MED21: variants seen among roughly 807,000 people sequenced by gnomAD.
MED21 encodes mediator complex subunit 21, also known as mediator of RNA polymerase II transcription subunit 21.
Under a neutral mutation model 18.2 loss-of-function variants are expected in MED21, and 9 were observed. The observed-to-expected ratio is 0.49, with a 90% CI of 0.30 to 0.86. The LOEUF (loss-of-function observed/expected upper bound fraction) is 0.86. MED21 is among the 40% of genes least tolerant of loss of function. The pLI is 0.07. For synonymous variants in MED21, 73 were observed against 60.5 expected, an observed-to-expected ratio of 1.21 and a Z score of -0.96; for missense variants, 150 against 170.9, an observed-to-expected ratio of 0.88 and a Z score of 0.68.
In MED21 at chr12:27,028,659, GCAT is replaced by G. The variant is rs149854106; in HGVS notation, c.*202_*204del. The G allele has an allele frequency of 1.1e-3, 1,354 of 1,247,274 alleles. 14 individuals are homozygous for G. In the African/African-American group the frequency reaches 0.018, roughly 16 times the overall value. 77.3% of individuals were successfully genotyped at this position (1,247,274 alleles called of 1,614,324 possible). ...AAATCATGATTGAATCAGCTTTAAA[GCAT>G]CATACCATCATTTTTTAACTGAGTG... On this transcript the variant is annotated 3_prime_UTR_variant, in exon 4 of 4. Coordinates refer to ENST00000282892, the MANE Select transcript of MED21 (RefSeq NM_004264.5).
Position 27,028,631 on chromosome 12 carries a change from A to C in MED21, c.*170A>C, listed in dbSNP as rs1729201832. 1.2e-5 allele frequency: 15 copies of C among 1,285,434 alleles called. No individual in the cohort carries two copies. The highest frequency in any genetic ancestry group is 7.0e-5 in the Admixed American group (2 of 28,478). The allele number at this position is 1,285,434 out of a possible 1,614,324, so 79.6% of individuals were successfully genotyped here. The stretch of plus-strand genomic sequence containing the variant: ...TTCTATTTTCACTCTTGATAAGCTT[A>C]TAAAATCATGATTGAATCAGCTTTA... On this transcript the variant is annotated 3_prime_UTR_variant, in exon 4 of 4. Transcript: ENST00000282892.
In MED21 at chr12:27,029,323, C is replaced by T. The variant is rs932110098; in HGVS notation, c.*862C>T. 8.1e-6 allele frequency: 8 copies of T among 985,276 alleles called. No individual in the cohort carries two copies. In the Admixed American group the frequency reaches 4.3e-4, roughly 53 times the overall value. The allele number at this position is 985,276 out of a possible 1,614,324, so 61.0% of individuals were successfully genotyped here. A position where few individuals can be genotyped will look rare whatever the true frequency, so the allele number is the denominator to read the frequency against. ...ACATCAGTTACTTGGCATCATTTCA[C>T]CTCAGTTTATTATTGCCAAATAATA... On this transcript the variant is annotated 3_prime_UTR_variant, in exon 4 of 4. Transcript: ENST00000282892.
At chr12:27,037,624 A>G (rs981892722) in intron 2 of MED21, 1 of 152,212 alleles carries the variant, frequency 6.6e-6, no homozygotes, top group African/African-American at 2.4e-5. Flanking sequence ...CAATAAATGT[A>G]TGTTTAATCT....
chr12:27,027,584 A>G, intron 3 of MED21, 137 bp downstream of exon 3: 1 of 614,500 alleles, frequency 1.6e-6, no homozygotes, highest in South Asian at 2.0e-5. Flanking sequence ...TAAAGAACAG[A>G]AATTTATTTT....
Position 27,022,589 on chromosome 12 carries a change from C to A in MED21, c.10C>A (p.Arg4=), listed in dbSNP as rs1216682786. 12 of 1,566,588 alleles carry A rather than the reference C, an allele frequency of 7.7e-6. No individual in the cohort carries two copies. The highest frequency in any genetic ancestry group is 8.7e-6 in the Non-Finnish European group (10 of 1,150,784). MAD[R]LTQLQDAVNS... ...TTGCTGCGGTAGGAACATGGCGGATCGGCTCACGCAGCTTCAGGACGCTGT... is the reference window on the plus strand; with the variant it reads ...TTGCTGCGGTAGGAACATGGCGGATAGGCTCACGCAGCTTCAGGACGCTGT... Residue 4 remains arginine, a synonymous_variant, in exon 1 of 4, where the codon CGG becomes AGG. Transcript: ENST00000282892.
At chr12:27,028,009 G>C (rs756380379) in intron 3 of MED21, among the ~76,000 whole-genome samples, 2 of 152,178 alleles carry the variant, frequency 1.3e-5, no homozygotes, top group Non-Finnish European at 2.9e-5. Flanking sequence ...TGAAGAATGA[G>C]AGGAGGGTGG....
downstream of MED21, among the ~76,000 whole-genome samples, chr12:27,032,228 C>T (rs1941624592): frequency 1.3e-5 from 2 of 152,176 alleles, no homozygotes; most frequent in African/African-American, 2.4e-5. Flanking sequence ...TCTTTGAATA[C>T]AGGTGCCTAA....
In MED21 at chr12:27,028,520, C is replaced by T; in HGVS notation, c.*59C>T. On this transcript the variant is annotated 3_prime_UTR_variant, in exon 4 of 4. Transcript: ENST00000282892. ...TGTTTGAGTGCCATTAAGAATTCTG[C>T]ATCAGACTTAGATACAAGCCTTACC... is the stretch of plus-strand genomic sequence containing the variant. 4 of 1,564,686 alleles carry T rather than the reference C, an allele frequency of 2.6e-6. No homozygotes were observed.
At chr12:27,023,300 C>CTTTTTTTTTTTTTTT (rs71437317) in intron 1 of MED21, among the ~76,000 whole-genome samples, 70 of 110,428 alleles carry the variant, frequency 6.3e-4, no homozygotes, top group Non-Finnish European at 7.5e-4. Flanking sequence ...TTTTTCTTTT[C>CTTTTTTTTTTTTTTT]TTTTTTTTTT....
At chr12:27,036,111 A>C (rs1026753044) in intron 2 of MED21, among the ~76,000 whole-genome samples, 1 of 152,112 alleles carries the variant, frequency 6.6e-6, no homozygotes, top group Admixed American at 6.5e-5. Flanking sequence ...TTGTTTCCTG[A>C]CTTCTTAATG....
intron 1 of MED21, among the ~76,000 whole-genome samples, chr12:27,025,544 G>A (rs75483540): frequency 0.02 from 3,022 of 152,286 alleles, 102 homozygotes; most frequent in African/African-American, 0.068. Flanking sequence ...CTAAGCAACA[G>A]TGATAGAAGG....
Position 27,024,074 on chromosome 12 carries a change from C to T in MED21, c.42+1453C>T, listed in dbSNP as rs926191742. 4.6e-5 allele frequency among the ~76,000 whole-genome samples: 7 copies of T among 152,334 alleles called. No individual in the cohort carries two copies. In the East Asian group the frequency reaches 9.6e-4, roughly 21 times the overall value. On this transcript the variant is annotated intron_variant, in intron 1 of 3. Coordinates refer to ENST00000282892, the MANE Select transcript of MED21 (RefSeq NM_004264.5). ...TCAGCTTTATTATAACCATAGGGGA[C>T]TGACATAATATGTGCATCCCGTTGA...
At chr12:27,027,305 T>G in intron 2 of MED21, 42 bp from the exon 3 acceptor site, 9 of 1,414,948 alleles carry the variant, frequency 6.4e-6, no homozygotes, top group Non-Finnish European at 8.8e-6. Flanking sequence ...TCTGAAAACT[T>G]GAGGTTTTCT....
rs1565480954 is a variant in MED21 at position 27,029,620 on chromosome 12, CTATGTTTCAAATTTCAGGA to C, written c.*1160_*1178del. On this transcript the variant is annotated 3_prime_UTR_variant, in exon 4 of 4. Coordinates refer to ENST00000282892, the MANE Select transcript of MED21 (RefSeq NM_004264.5). Reference sequence around the variant, plus strand: ...GCTTTTCCACAGTTCTTGAAAAGTACTATGTTTCAAATTTCAGGAACACCAGCGTTAGCTGTAAAAGTTG... The same window carrying C: ...GCTTTTCCACAGTTCTTGAAAAGTACACACCAGCGTTAGCTGTAAAAGTTG... 1 of 985,218 alleles carries C rather than the reference CTATGTTTCAAATTTCAGGA, an allele frequency of 1.0e-6. No homozygotes were observed. The highest frequency in any genetic ancestry group is 1.1e-4 in the East Asian group (1 of 8,834). The allele number at this position is 985,218 out of a possible 1,614,324, so 61.0% of individuals were successfully genotyped here.
chr12:27,024,513 G>T (rs2136482821), intron 1 of MED21, among the ~76,000 whole-genome samples: 1 of 152,296 alleles, frequency 6.6e-6, no homozygotes, highest in East Asian at 1.9e-4. Flanking sequence ...GCCTTCCTCA[G>T]GGAACTACTC....
In MED21 at chr12:27,028,386, C is replaced by G. The variant is rs548820731; in HGVS notation, c.360C>G (p.Ser120Arg). 1.9e-6 allele frequency: 3 copies of G among 1,613,986 alleles called. No homozygotes were observed. The highest frequency in any genetic ancestry group is 2.5e-6 in the Non-Finnish European group (3 of 1,180,004). Residue 120 changes from serine to arginine, a missense_variant, in exon 4 of 4, where the codon AGC (serine) becomes AGG (arginine). Transcript: ENST00000282892. ...RGDMLLEKIQ[S>R]ALADIAQSQL... ...ACATGCTTCTGGAGAAGATACAAAG[C>G]GCACTTGCTGATATTGCACAGTCAC...
Position 27,030,250 on chromosome 12 carries a change from C to G in MED21, c.*1789C>G. 1 of 611,958 alleles carries G rather than the reference C, an allele frequency of 1.6e-6. No homozygotes were observed. Among genetic ancestry groups the G allele is most frequent in the Non-Finnish European group, 3.0e-6 (1 of 335,682 alleles). 37.9% of individuals were successfully genotyped at this position (611,958 alleles called of 1,614,324 possible). A position where few individuals can be genotyped will look rare whatever the true frequency, so the allele number is the denominator to read the frequency against. ...GTTCAGGTGATCCTCCCACTTCAGC[C>G]TCTTCAGTAACTGGGACTACAGGCA... On this transcript the variant is annotated 3_prime_UTR_variant, in exon 4 of 4. Transcript: ENST00000282892.
At chr12:27,037,346 A>G (rs377609105) in intron 2 of MED21, 16 of 152,082 alleles carry the variant, frequency 1.1e-4, no homozygotes, top group East Asian at 7.7e-4. Context: ...TTGGGCTGAG[A>G]CAATGGGGTT....
Position 27,029,211 on chromosome 12 carries a change from T to A in MED21, c.*750T>A, listed in dbSNP as rs757944252. 15 of 985,316 alleles carry A rather than the reference T, an allele frequency of 1.5e-5. No individual in the cohort carries two copies. The highest frequency in any genetic ancestry group is 1.7e-5 in the Non-Finnish European group (14 of 829,924). 61.0% of individuals were successfully genotyped at this position (985,316 alleles called of 1,614,324 possible). On this transcript the variant is annotated 3_prime_UTR_variant, in exon 4 of 4. Transcript: ENST00000282892. ...TTTTGAATCATCAATTCTTTCTCAT[T>A]CTCCATTTATCTGAAGGTTCTTTTG...
Sources: gnomAD v4.1 joint callset for allele counts (sites outside exome capture counted in the v4.1 genomes callset) on GRCh38, gnomAD v4.1.1 for gene constraint, MANE v1.5 for transcripts, NCBI Gene and HGNC (gene_info 2026-07-23, HGNC 2026-07-21) for gene names.